DTNA: variants seen among roughly 807,000 people sequenced by gnomAD.
DTNA encodes dystrobrevin alpha.
A neutral mutation model predicts 100.7 loss-of-function variants in DTNA; 43 were observed. The observed-to-expected ratio is 0.43, with a 90% CI of 0.33 to 0.55. DTNA has a LOEUF of 0.55. Among genes scored for constraint, DTNA ranks in the 20% least tolerant of loss-of-function variants. The pLI, the probability that DTNA is intolerant of heterozygous loss-of-function variation, is 0.04. For synonymous variants in DTNA, 349 were observed against 347.9 expected, an observed-to-expected ratio of 1.00 and a Z score of -0.04; for missense variants, 798 against 953.9, an observed-to-expected ratio of 0.84 and a Z score of 2.15.
chr18:34,496,310 A>G (rs989134798), intron 1 of DTNA, among the ~76,000 whole-genome samples: 10 of 151,682 alleles, frequency 6.6e-5, no homozygotes, highest in Non-Finnish European at 1.5e-4. Flanking sequence ...GAGTGGTTGT[A>G]TGCTATCAGT....
chr18:34,866,022 T>C, intron 17 of DTNA: 1 of 1,445,380 alleles, frequency 6.9e-7, no homozygotes, highest in South Asian at 1.1e-5. Context: ...TGTGTTGATG[T>C]TTCCCCATCT....
chr18:34,588,951 T>C (rs2049411462), intron 1 of DTNA, among the ~76,000 whole-genome samples: 1 of 151,174 alleles, frequency 6.6e-6, no homozygotes, highest in Admixed American at 6.6e-5. Flanking sequence ...TTATTTGCTA[T>C]CAAATATACG....
intron 11 of DTNA, among the ~76,000 whole-genome samples, chr18:34,830,326 A>G (rs1327719688): frequency 2.0e-5 from 3 of 152,050 alleles, no homozygotes; most frequent in Non-Finnish European, 4.4e-5. Context: ...AGTCTTTTGT[A>G]TCATGACAGA....
chr18:34,675,243 A>C (rs984731982), intron 1 of DTNA, among the ~76,000 whole-genome samples: 1 of 151,916 alleles, frequency 6.6e-6, no homozygotes, highest in African/African-American at 2.4e-5. Context: ...GCACGTACCC[A>C]CCCTGCACAA....
Position 34,875,219 on chromosome 18 carries a change from G to A in DTNA, c.1744-20G>A. On this transcript the variant is annotated intron_variant, in intron 17 of 22. Transcript: ENST00000444659. The stretch of plus-strand genomic sequence containing the variant: ...CATTTTCTTGGGAAAGCAAATTAAT[G>A]ACCTGCATTGTCTCTCCAGACTCAG... The A allele has an allele frequency of 6.2e-7, 1 of 1,611,878 alleles. No homozygotes were observed. The highest frequency in any genetic ancestry group is 8.5e-7 in the Non-Finnish European group (1 of 1,178,480).
At chr18:34,793,240 G>C (rs2094827235) in intron 3 of DTNA, among the ~76,000 whole-genome samples, 1 of 151,856 alleles carries the variant, frequency 6.6e-6, no homozygotes, top group Non-Finnish European at 1.5e-5. Flanking sequence ...GTGAGGACGT[G>C]TTCTTTATCT....
intron 1 of DTNA, among the ~76,000 whole-genome samples, chr18:34,549,933 G>C (rs945998746): frequency 1.3e-5 from 2 of 151,974 alleles, no homozygotes; most frequent in Non-Finnish European, 2.9e-5. Context: ...TTGTCTTGAT[G>C]AATTCTGGCC....
intron 3 of DTNA, among the ~76,000 whole-genome samples, chr18:34,776,397 G>A (rs1216520701): frequency 6.6e-6 from 1 of 152,078 alleles, no homozygotes; most frequent in African/African-American, 2.4e-5. Context: ...GCAGTGGCAC[G>A]ATCTCAGCTC....
At chr18:34,534,960 C>A (rs1212812323) in intron 1 of DTNA, among the ~76,000 whole-genome samples, 1 of 152,120 alleles carries the variant, frequency 6.6e-6, no homozygotes, top group Non-Finnish European at 1.5e-5. Flanking sequence ...CATATGTGTG[C>A]ATGTGTCTTT....
chr18:34,767,855 T>C (rs1385909324), intron 3 of DTNA, among the ~76,000 whole-genome samples: 1 of 152,170 alleles, frequency 6.6e-6, no homozygotes, highest in African/African-American at 2.4e-5. Flanking sequence ...AACCATAGCA[T>C]TGGTCACACA....
intron 3 of DTNA, among the ~76,000 whole-genome samples, chr18:34,775,521 CAG>C (rs1341612534): frequency 1.3e-5 from 2 of 152,094 alleles, no homozygotes; most frequent in African/African-American, 2.4e-5. Context: ...AAAATAAAAG[CAG>C]AGAGTTTTAT....
intron 1 of DTNA, among the ~76,000 whole-genome samples, chr18:34,726,974 G>A (rs2086852554): frequency 6.6e-6 from 1 of 152,236 alleles, no homozygotes; most frequent in African/African-American, 2.4e-5. Flanking sequence ...TACATCCTCT[G>A]GAATCTAGGT....
At chr18:34,563,721 A>G (rs1327831251) in intron 1 of DTNA, among the ~76,000 whole-genome samples, 1 of 152,208 alleles carries the variant, frequency 6.6e-6, no homozygotes, top group Non-Finnish European at 1.5e-5. Flanking sequence ...CAAGGTGTAC[A>G]AAGTGATATT....
intron 20 of DTNA, among the ~76,000 whole-genome samples, chr18:34,880,172 C>T (rs994054841): frequency 3.9e-5 from 6 of 152,172 alleles, no homozygotes; most frequent in Non-Finnish European, 8.8e-5. Flanking sequence ...GAAATAAGTA[C>T]ATGTATAAAA....
chr18:34,623,429 T>C (rs907948499), intron 1 of DTNA, among the ~76,000 whole-genome samples: 4 of 152,240 alleles, frequency 2.6e-5, no homozygotes, highest in African/African-American at 7.2e-5. Flanking sequence ...AAATGTATAG[T>C]ACAAAAATTT....
intron 1 of DTNA, among the ~76,000 whole-genome samples, chr18:34,630,430 C>G (rs141653041): frequency 6.6e-6 from 1 of 152,276 alleles, no homozygotes; most frequent in East Asian, 1.9e-4. Context: ...CTGTAATAAT[C>G]ATACATTATG....
intron 17 of DTNA, among the ~76,000 whole-genome samples, chr18:34,869,890 A>G (rs949250142): frequency 1.3e-5 from 2 of 152,098 alleles, no homozygotes; most frequent in Non-Finnish European, 1.5e-5. Flanking sequence ...GCGTGGTGGC[A>G]GGCGCCTGTA....
chr18:34,817,977 C>T, intron 7 of DTNA, 187 bp from the exon 8 acceptor site: 5 of 1,486,640 alleles, frequency 3.4e-6, no homozygotes, highest in Non-Finnish European at 4.5e-6. Flanking sequence ...TTCATTTCCC[C>T]ACAGGCATGA....
intron 1 of DTNA, among the ~76,000 whole-genome samples, chr18:34,529,557 C>G (rs1323760237): frequency 6.6e-6 from 1 of 152,090 alleles, no homozygotes; most frequent in Non-Finnish European, 1.5e-5. Context: ...AAGAGAATAA[C>G]AAACAAATCA....
Sources: allele counts gnomAD v4.1 joint callset (sites outside exome capture counted in the v4.1 genomes callset), GRCh38; gene constraint gnomAD v4.1.1; transcripts MANE v1.5; gene names NCBI Gene and HGNC (gene_info 2026-07-23, HGNC 2026-07-21).